The following HS1BP3 variants were observed in gnomAD, a reference collection of about 807,000 sequenced individuals.
HS1BP3 encodes HCLS1-binding protein 3.
A neutral mutation model predicts 33.5 loss-of-function variants in HS1BP3; 32 were observed. The ratio of observed to expected loss-of-function variants is 0.95; its 90% CI spans 0.72 to 1.28. HS1BP3 has a LOEUF of 1.28. Ranked by LOEUF, HS1BP3 falls within the 50% of genes most tolerant of loss-of-function variation. The pLI, the probability that HS1BP3 is intolerant of heterozygous loss-of-function variation, is 0.00. For missense variants in HS1BP3, 486 were observed against 502.3 expected (o/e 0.97, Z 0.31); for synonymous variants, 187 against 209.2 (o/e 0.89, Z 0.92).
At chr2:20,577,850 T>C (rs1158456964) in intron 5 of HS1BP3, among the ~76,000 whole-genome samples, 1 of 152,194 alleles carries the variant, frequency 6.6e-6, no homozygotes, top group East Asian at 1.9e-4. Flanking sequence ...CTTCCAGGGT[T>C]CTGTTATACT....
chr2:20,575,768 C>A (rs77197412), intron 5 of HS1BP3, among the ~76,000 whole-genome samples: 13 of 117,604 alleles, frequency 1.1e-4, no homozygotes, highest in East Asian at 2.8e-4. Flanking sequence ...CCACCCCCCC[C>A]CCCCCCTTCA....
intron 3 of HS1BP3, among the ~76,000 whole-genome samples, chr2:20,596,250 C>T (rs768621652): frequency 6.6e-6 from 1 of 152,210 alleles, no homozygotes; most frequent in Non-Finnish European, 1.5e-5. Flanking sequence ...GTCAAAACTC[C>T]TTCAAGACCC....
downstream of HS1BP3, among the ~76,000 whole-genome samples, chr2:20,589,258 C>T (rs553524618): frequency 1.2e-4 from 19 of 152,298 alleles, no homozygotes; most frequent in African/African-American, 3.9e-4. Flanking sequence ...GGGCCTTCAC[C>T]GTCCAACACA....
chr2:20,566,039 C>A (rs553200224), intron 5 of HS1BP3, among the ~76,000 whole-genome samples: 1 of 152,326 alleles, frequency 6.6e-6, no homozygotes, highest in East Asian at 1.9e-4. Flanking sequence ...CAAACTCCAC[C>A]AAGGTCGCAG....
intron 5 of HS1BP3, among the ~76,000 whole-genome samples, chr2:20,570,023 C>T (rs4666313): frequency 0.91 from 138,458 of 152,210 alleles, 63,219 homozygotes; most frequent in East Asian, 1. Context: ...AGAAGCAAAC[C>T]GAACATTGAT....
rs145124820 is a variant in HS1BP3 at position 20,609,867 on chromosome 2, G to A, written c.179-11602C>T. Among the ~76,000 whole-genome samples the A allele has an allele frequency of 2.0e-5, 3 of 152,138 alleles. No homozygotes were observed. The East Asian group carries it at 5.8e-4, about 29-fold the overall frequency. ...TTGACTCAGTTTTTCCCATTTACTG[G>A]ACTGGAAACCCCTCCCACCATCAGT... On this transcript the variant is annotated intron_variant, in intron 2 of 3. Transcript: ENST00000415264.
intron 5 of HS1BP3, among the ~76,000 whole-genome samples, chr2:20,576,267 C>A (rs1693397749): frequency 6.6e-6 from 1 of 152,170 alleles, no homozygotes; most frequent in Non-Finnish European, 1.5e-5. Flanking sequence ...TAGGTGTGAG[C>A]CATTGCACCC....
downstream of HS1BP3, among the ~76,000 whole-genome samples, chr2:20,588,419 C>T (rs903711767): frequency 2.6e-5 from 4 of 152,176 alleles, no homozygotes; most frequent in South Asian, 4.1e-4. Flanking sequence ...TGGGTTCAAG[C>T]GATTCTCCCG....
chr2:20,631,600 TC>T (rs1409428014), intron 4 of HS1BP3, among the ~76,000 whole-genome samples: 3 of 140,754 alleles, frequency 2.1e-5, no homozygotes, highest in Non-Finnish European at 4.5e-5. Flanking sequence ...TTTGCTATGG[TC>T]CCCAGAGTCA....
intron 5 of HS1BP3, among the ~76,000 whole-genome samples, chr2:20,575,594 G>A (rs1383687596): frequency 6.6e-6 from 1 of 152,248 alleles, no homozygotes; most frequent in African/African-American, 2.4e-5. Context: ...CCACATGCCA[G>A]GTGAGGAGCC....
chr2:20,593,068 CT>C (rs1271706482), intron 3 of HS1BP3, among the ~76,000 whole-genome samples: 3 of 152,104 alleles, frequency 2.0e-5, no homozygotes. Flanking sequence ...CCCACCACCC[CT>C]GACCTCCAGC....
intron 1 of HS1BP3, among the ~76,000 whole-genome samples, chr2:20,647,532 T>C (rs59004329): frequency 1.3e-5 from 2 of 152,246 alleles, no homozygotes; most frequent in African/African-American, 4.8e-5. Flanking sequence ...TGGATCAGGA[T>C]CAGCATCGCC....
intron 4 of HS1BP3, among the ~76,000 whole-genome samples, chr2:20,633,731 C>T (rs1455377676): frequency 1.3e-5 from 2 of 152,216 alleles, no homozygotes; most frequent in Non-Finnish European, 2.9e-5. Flanking sequence ...CCATGTTGAC[C>T]AGGCTGGTCT....
At chr2:20,568,521 T>G (rs539676832) in intron 5 of HS1BP3, among the ~76,000 whole-genome samples, 1 of 152,126 alleles carries the variant, frequency 6.6e-6, no homozygotes, top group East Asian at 1.9e-4. Flanking sequence ...AGGATCAGAC[T>G]TGTGGCTTGT....
At chr2:20,584,675 C>CA in intron 5 of HS1BP3, among the ~76,000 whole-genome samples, 1 of 152,252 alleles carries the variant, frequency 6.6e-6, no homozygotes, top group South Asian at 2.1e-4. Context: ...GAATTTGCCC[C>CA]CCAAGTGACA....
At chr2:20,648,872 G>C (rs1695597367) in intron 1 of HS1BP3, among the ~76,000 whole-genome samples, 1 of 152,238 alleles carries the variant, frequency 6.6e-6, no homozygotes, top group African/African-American at 2.4e-5. Flanking sequence ...TCTTCCAGCA[G>C]CTTAGGCTGA....
chr2:20,641,110 A>C lies in HS1BP3; in HGVS notation c.269T>G (p.Leu90Arg), dbSNP rs1030026781. Residue 90 changes from leucine (L) to arginine (R), a missense_variant, in exon 3 of 7, where the codon CTC becomes CGC. By Grantham distance (102) the Leu-to-Arg change is moderately radical. Transcript: ENST00000304031. The stretch of plus-strand genomic sequence containing the variant: ...CAGGACCTTCCTGGGTAGTGGGGGG[A>C]GGCTGGCTGCTGCATAACGACTGCT... ...KLSSRYAAAS[L>R]PPLPRKVLFV... 2.5e-6 allele frequency: 4 copies of C among 1,613,052 alleles called. No individual in the cohort carries two copies. The African/African-American group carries it at 4.0e-5, about 16-fold the overall frequency.
At chr2:20,571,305 C>G (rs1223940185) in intron 5 of HS1BP3, among the ~76,000 whole-genome samples, 2 of 152,114 alleles carry the variant, frequency 1.3e-5, no homozygotes, top group African/African-American at 2.4e-5. Context: ...GGAGCAAGCT[C>G]TAGGCTGGGG....
rs1363593774 is a variant in HS1BP3 at position 20,623,921 on chromosome 2, T to G, written c.895A>C (p.Arg299=). 6.2e-7 allele frequency: 1 copy of G among 1,612,340 alleles called. No individual in the cohort carries two copies. Among genetic ancestry groups the G allele is most frequent in the African/African-American group, 1.3e-5 (1 of 74,886 alleles). Residue 299 remains arginine, a synonymous_variant, in exon 6 of 7, where the codon AGG becomes CGG. Coordinates refer to ENST00000304031, the MANE Select transcript of HS1BP3 (RefSeq NM_022460.4). ...CTGAACAGTTCCTTGGAGGCGTCCC[T>G]GTGGCTGAGGCTGGGTGTGGGCCCT... ...SGGPTPSLSH[R]DASKELFRVE...
Sources: gnomAD v4.1 joint callset for allele counts (sites outside exome capture counted in the v4.1 genomes callset) on GRCh38, gnomAD v4.1.1 for gene constraint, MANE v1.5 for transcripts, NCBI Gene and HGNC (gene_info 2026-07-23, HGNC 2026-07-21) for gene names.